Variants in MLANA observed in about 807,000 individuals in gnomAD.
The protein encoded by MLANA is melan-A.
Under a neutral mutation model 15.7 loss-of-function variants are expected in MLANA, and 21 were observed. That is an observed-to-expected ratio of 1.33 (90% CI 0.95 to 1.92). MLANA has a LOEUF of 1.92. MLANA is among the 40% of genes most tolerant of loss of function. The probability of loss-of-function intolerance (pLI) is 0.00; values close to 1 mark genes in which losing one functional copy is unlikely to be tolerated. For missense variants in MLANA, 164 were observed against 143.8 expected (o/e 1.14, Z -0.72); for synonymous variants, 56 against 51.5 (o/e 1.09, Z -0.37).
At chr9:5,902,992 C>T (rs1483235158) in intron 3 of MLANA, among the ~76,000 whole-genome samples, 2 of 152,320 alleles carry the variant, frequency 1.3e-5, no homozygotes, top group East Asian at 3.9e-4. Flanking sequence ...GCTTGCACTG[C>T]TAAGCAGTAT....
chr9:5,899,088 C>A (rs1163555643), intron 3 of MLANA: 1 of 152,236 alleles, frequency 6.6e-6, no homozygotes, highest in South Asian at 2.1e-4. Context: ...CACTTCAGCA[C>A]TTCAGCACCC....
chr9:5,899,062 G>C (rs1399545717), intron 3 of MLANA: 1 of 152,158 alleles, frequency 6.6e-6, no homozygotes, highest in Non-Finnish European at 1.5e-5. Flanking sequence ...CAGCAATCTT[G>C]CTTAAAGCCA....
chr9:5,900,532 T>C (rs1316725242), intron 3 of MLANA, among the ~76,000 whole-genome samples: 1 of 152,204 alleles, frequency 6.6e-6, no homozygotes, highest in Non-Finnish European at 1.5e-5. Context: ...TCTTCAGTGA[T>C]TCTATTTTCA....
chr9:5,906,231 G>A (rs1832799151), intron 3 of MLANA, among the ~76,000 whole-genome samples: 1 of 150,690 alleles, frequency 6.6e-6, no homozygotes, highest in East Asian at 1.9e-4. Context: ...TTAGGAGGCT[G>A]AGGCAGGAGT....
chr9:5,909,458 A>T lies in MLANA; in HGVS notation c.*750A>T, dbSNP rs1387628637. 6.6e-6 allele frequency: 1 copy of T among 152,176 alleles called. No individual in the cohort carries two copies. The highest frequency in any genetic ancestry group is 1.5e-5 in the Non-Finnish European group (1 of 68,074). The allele number at this position is 152,176 out of a possible 1,614,324, so 9.4% of individuals were successfully genotyped here. On this transcript the variant is annotated 3_prime_UTR_variant, in exon 5 of 5. Coordinates refer to ENST00000381477, the MANE Select transcript of MLANA (RefSeq NM_005511.2). ...GTTTTAGTAGAGACGGGGTTTCTCC[A>T]TGTTGGTCAGGCTGGTCTCAAACTC...
chr9:5,906,995 T>C lies in MLANA; in HGVS notation c.285T>C (p.Pro95=). 6.3e-7 allele frequency: 1 copy of C among 1,584,982 alleles called. No homozygotes were observed. Among genetic ancestry groups the C allele is most frequent in the Non-Finnish European group, 8.6e-7 (1 of 1,167,854 alleles). ...KVSLQEKNCE[P]VVPNAPPAYE... ...CTCTTCAAGAGAAAAACTGTGAACC[T>C]GTGGTAGGTTAAGATCCTTCATAAG... Residue 95 remains proline, a synonymous_variant, in exon 4 of 5, where the codon CCT becomes CCC. Coordinates refer to ENST00000381477, the MANE Select transcript of MLANA (RefSeq NM_005511.2).
chr9:5,907,710 C>G (rs987379708), intron 4 of MLANA, among the ~76,000 whole-genome samples: 7 of 152,262 alleles, frequency 4.6e-5, no homozygotes, highest in African/African-American at 1.7e-4. Context: ...CCCAGCACTT[C>G]GGGAGGCCGA....
At chr9:5,902,962 T>C (rs761379500) in intron 3 of MLANA, among the ~76,000 whole-genome samples, 6 of 152,240 alleles carry the variant, frequency 3.9e-5, no homozygotes, top group Non-Finnish European at 8.8e-5. Flanking sequence ...TTCAATGTCA[T>C]ACATTTCCCT....
At chr9:5,901,898 C>T (rs1832452981) in intron 3 of MLANA, among the ~76,000 whole-genome samples, 1 of 152,166 alleles carries the variant, frequency 6.6e-6, no homozygotes, top group South Asian at 2.1e-4. Flanking sequence ...TCCTTTTATA[C>T]ATTGTTAGTT....
intron 2 of MLANA, 48 bp downstream of exon 2, chr9:5,892,599 G>GAC: frequency 1.3e-6 from 2 of 1,535,962 alleles, no homozygotes; most frequent in Non-Finnish European, 1.8e-6. Context: ...GCCGTTTGCT[G>GAC]ACACAGCCTG....
chr9:5,901,530 T>C (rs1832425848), intron 3 of MLANA, among the ~76,000 whole-genome samples: 1 of 152,176 alleles, frequency 6.6e-6, no homozygotes, highest in African/African-American at 2.4e-5. Context: ...TCTTTTTCTT[T>C]TTTTTTGAGA....
chr9:5,895,130 T>C (rs548418480), intron 2 of MLANA, among the ~76,000 whole-genome samples: 1 of 152,320 alleles, frequency 6.6e-6, no homozygotes, highest in Admixed American at 6.5e-5. Context: ...TTTGACATTT[T>C]GCTGTCTGTA....
In MLANA at chr9:5,894,392, C is replaced by T. The variant is rs1415527873; in HGVS notation, c.77+1841C>T. Among the ~76,000 whole-genome samples the T allele has an allele frequency of 6.6e-6, 1 of 152,120 alleles. No individual in the cohort carries two copies. Among genetic ancestry groups the T allele is most frequent in the Non-Finnish European group, 1.5e-5 (1 of 68,034 alleles). On this transcript the variant is annotated intron_variant, in intron 2 of 4. Coordinates refer to ENST00000381477, the MANE Select transcript of MLANA (RefSeq NM_005511.2). This position sits in a 1 kb window ranked among gnomAD's most constrained non-coding sequence, Gnocchi z 4.0. ...GGAGGCAAAGAAGGCATCGGGGCAA[C>T]CAAGGCTGTACCCACAGAATGCTGC...
In MLANA at chr9:5,894,143, G is replaced by A. The variant is rs1831851716; in HGVS notation, c.77+1592G>A. 6.6e-6 allele frequency among the ~76,000 whole-genome samples: 1 copy of A among 152,136 alleles called. No individual in the cohort carries two copies. The highest frequency in any genetic ancestry group is 1.5e-5 in the Non-Finnish European group (1 of 68,026). The stretch of plus-strand genomic sequence containing the variant: ...CTAGGGCAGAGGTCAGTATCTCTCA[G>A]TGTGAAGCTGGAGGCTGATGCTAGT... On this transcript the variant is annotated intron_variant, in intron 2 of 4. Transcript: ENST00000381477. This position sits in a 1 kb window ranked among gnomAD's most constrained non-coding sequence, Gnocchi z 4.0.
intron 3 of MLANA, chr9:5,898,943 C>G (rs944779792): frequency 1.3e-5 from 2 of 152,136 alleles, no homozygotes; most frequent in Admixed American, 6.5e-5. Context: ...CTTCTTTACC[C>G]AAATATGCAG....
In MLANA at chr9:5,906,527, GTCTT is replaced by G. The variant is rs1473377570; in HGVS notation, c.175-356_175-353del. The stretch of plus-strand genomic sequence containing the variant: ...ATTCCCTCAATTTTTGCTTGACAAA[GTCTT>G]TATTTCTGCTTCACTATTGATGGAT... On this transcript the variant is annotated intron_variant, in intron 3 of 4. Coordinates refer to ENST00000381477, the MANE Select transcript of MLANA (RefSeq NM_005511.2). 2.0e-5 allele frequency among the ~76,000 whole-genome samples: 3 copies of G among 152,258 alleles called. No homozygotes were observed. The East Asian group carries it at 5.8e-4, about 29-fold the overall frequency.
chr9:5,909,294 T>G lies in MLANA; in HGVS notation c.*586T>G, dbSNP rs934714645. The G allele has an allele frequency of 1.3e-5, 2 of 152,938 alleles. No homozygotes were observed. Among genetic ancestry groups the G allele is most frequent in the African/African-American group, 4.8e-5 (2 of 41,466 alleles). 9.5% of individuals were successfully genotyped at this position (152,938 alleles called of 1,614,324 possible). On this transcript the variant is annotated 3_prime_UTR_variant, in exon 5 of 5. Coordinates refer to ENST00000381477, the MANE Select transcript of MLANA (RefSeq NM_005511.2). ...TTTTTTTGAGATGGAGTTTCGCTTT[T>G]GTTGCCCAGGCTGGAGTGCAATGGC...
At chr9:5,906,693 G>A (rs950495129) in intron 3 of MLANA, among the ~76,000 whole-genome samples, 192 bp from the exon 4 acceptor site, 1 of 152,210 alleles carries the variant, frequency 6.6e-6, no homozygotes, top group African/African-American at 2.4e-5. Context: ...ATTCTGAGAG[G>A]TAGGTAGGTA....
intron 3 of MLANA, among the ~76,000 whole-genome samples, chr9:5,902,657 T>C (rs1832515427): frequency 1.3e-5 from 2 of 151,006 alleles, no homozygotes; most frequent in Non-Finnish European, 2.9e-5. Flanking sequence ...CCTCCAGGTC[T>C]GATTAATTTT....
Sources: allele counts gnomAD v4.1 joint callset (sites outside exome capture counted in the v4.1 genomes callset), GRCh38; gene constraint gnomAD v4.1.1; non-coding constraint Gnocchi (gnomAD v3.1); transcripts MANE v1.5; gene names NCBI Gene and HGNC (gene_info 2026-07-23, HGNC 2026-07-21).